Variants in PDE6B observed in about 807,000 individuals in gnomAD.
PDE6B encodes phosphodiesterase 6B.
In PDE6B, 106 loss-of-function variants were observed where a neutral mutation model predicts 109.0. The observed-to-expected ratio is 0.97, with a 90% CI of 0.83 to 1.14. The LOEUF (loss-of-function observed/expected upper bound fraction) is 1.14, where lower values mean the gene tolerates loss of function less well. Among genes scored for constraint, PDE6B ranks in the 50% most tolerant of loss-of-function variants. The probability of loss-of-function intolerance (pLI) is 0.00; values close to 1 mark genes in which losing one functional copy is unlikely to be tolerated. For missense variants in PDE6B, 1,193 were observed against 1,155.6 expected, an observed-to-expected ratio of 1.03 and a Z score of -0.47; for synonymous variants, 490 against 471.3, an observed-to-expected ratio of 1.04 and a Z score of -0.51.
In PDE6B at chr4:662,448, C is replaced by T. The variant is rs903722236; in HGVS notation, c.1723-61C>T. 2.4e-6 allele frequency: 3 copies of T among 1,229,848 alleles called. No homozygotes were observed. The highest frequency in any genetic ancestry group is 2.4e-5 in the South Asian group (2 of 83,150). The allele number at this position is 1,229,848 out of a possible 1,614,324, so 76.2% of individuals were successfully genotyped here. On this transcript the variant is annotated intron_variant, in intron 13 of 21. Coordinates refer to ENST00000496514, the MANE Select transcript of PDE6B (RefSeq NM_000283.4). This position sits in a 1 kb window ranked among gnomAD's most constrained non-coding sequence, Gnocchi z 4.3. ...CCCGACGCCTAGGTCATCCCAACCC[C>T]TCACCACTCCCCACCCTGCTGGAGC... is the stretch of plus-strand genomic sequence containing the variant.
chr4:659,913 G>A (rs955406332), intron 11 of PDE6B, among the ~76,000 whole-genome samples: 2 of 152,208 alleles, frequency 1.3e-5, no homozygotes, highest in African/African-American at 4.8e-5. Context: ...CCGGGGCCAC[G>A]AGCCTTGTGA....
chr4:642,552 G>A (rs1040456410), intron 3 of PDE6B, among the ~76,000 whole-genome samples: 6 of 151,776 alleles, frequency 4.0e-5, no homozygotes, highest in Admixed American at 6.6e-5. Context: ...CCAGCACTCC[G>A]GAAGGCTAAG....
chr4:639,395 C>G (rs939143197), intron 3 of PDE6B, among the ~76,000 whole-genome samples: 2 of 152,082 alleles, frequency 1.3e-5, no homozygotes, highest in African/African-American at 4.8e-5. Flanking sequence ...TTGGGGTCCA[C>G]AGTTCACAGG....
rs140203507 is a variant in PDE6B at position 658,963 on chromosome 4, G to A, written c.1413G>A (p.Ala471=). Residue 471 remains alanine (A), a synonymous_variant, in exon 11 of 22, where the codon GCG becomes GCA. Transcript: ENST00000496514. ...GTGTCTCTGTGTAGCCAACCAGAGC[G>A]CGCCTGGGGAAGGAGCCTGCTGACT... ...DEIQLILPTR[A]RLGKEPADCD... 2.5e-6 allele frequency: 4 copies of A among 1,613,114 alleles called. No individual in the cohort carries two copies. Among genetic ancestry groups the A allele is most frequent in the Non-Finnish European group, 2.5e-6 (3 of 1,179,424 alleles).
chr4:657,190 G>A (rs917708765), intron 9 of PDE6B, among the ~76,000 whole-genome samples, 161 bp from the exon 10 acceptor site: 78 of 152,326 alleles, frequency 5.1e-4, no homozygotes, highest in African/African-American at 1.9e-3. Flanking sequence ...CCGGGAGCAG[G>A]AGCCTCTGCA....
chr4:646,863 C>CT lies in PDE6B; in HGVS notation c.712-6977dup, dbSNP rs1177100337. Among the ~76,000 whole-genome samples the CT allele has an allele frequency of 3.8e-3, 558 of 145,746 alleles. 5 individuals are homozygous for CT. The highest frequency in any genetic ancestry group is 0.013 in the South Asian group (58 of 4,582). ...TAGCATATTGATCATCATAATTTTC[C>CT]TTTTTTTTTTTTGAGACATTGTCTT... On this transcript the variant is annotated intron_variant, in intron 3 of 21. Transcript: ENST00000496514.
Position 635,979 on chromosome 4 carries a change from C to T in PDE6B, c.711+10C>T, listed in dbSNP as rs201100689. On this transcript the variant is annotated intron_variant, in intron 3 of 21. Transcript: ENST00000496514. ...GACGCGCCGCGGCCAGGTACCCACA[C>T]GCTGAGCACAGCTCTGCCCACGAGG... 3.6e-3 allele frequency: 5,474 copies of T among 1,530,398 alleles called. 10 individuals carry two copies. The highest frequency in any genetic ancestry group is 4.6e-3 in the Non-Finnish European group (5,051 of 1,103,736). The allele number at this position is 1,530,398 out of a possible 1,614,324, so 94.8% of individuals were successfully genotyped here.
rs778007268 is a variant in PDE6B, at chr4:670,234, T to A, written c.*127T>A. The A allele has an allele frequency of 7.0e-7, 1 of 1,431,486 alleles. No individual in the cohort carries two copies. Among genetic ancestry groups the A allele is most frequent in the African/African-American group, 1.5e-5 (1 of 67,440 alleles). 88.7% of individuals were successfully genotyped at this position (1,431,486 alleles called of 1,614,324 possible). ...AAATGACTGAAGATCATTCTGGATA[T>A]TTTAATTTTTTTTTTTTTTTTTTTT... On this transcript the variant is annotated 3_prime_UTR_variant, in exon 22 of 22. Coordinates refer to ENST00000496514, the MANE Select transcript of PDE6B (RefSeq NM_000283.4).
At chr4:642,244 G>A (rs1734979610) in intron 3 of PDE6B, among the ~76,000 whole-genome samples, 2 of 151,844 alleles carry the variant, frequency 1.3e-5, no homozygotes, top group Admixed American at 1.3e-4. Context: ...GGCCAAGGTG[G>A]GTGGATCACC....
intron 6 of PDE6B, chr4:655,335 G>A (rs1736091141): frequency 3.5e-6 from 1 of 287,824 alleles, no homozygotes; most frequent in Non-Finnish European, 6.7e-6. Context: ...GTCAGGGCAG[G>A]ACTCCAGCCA....
At chr4:646,773 G>A (rs1246844410) in intron 3 of PDE6B, among the ~76,000 whole-genome samples, 1 of 151,850 alleles carries the variant, frequency 6.6e-6, no homozygotes, top group Non-Finnish European at 1.5e-5. Context: ...TTCCCAGAGC[G>A]TCCATCTCTT....
Position 653,045 on chromosome 4 carries a change from G to A in PDE6B, c.712-807G>A. 2 of 294,286 alleles carry A rather than the reference G, an allele frequency of 6.8e-6. 1 individual carries two copies. The allele number at this position is 294,286 out of a possible 1,614,324, so 18.2% of individuals were successfully genotyped here. Reference sequence around the variant, plus strand: ...ATAAACTAAAATCAGTAAAATCAATGTACTGGGAAATAAAGCTACGAACAT... The same window carrying A: ...ATAAACTAAAATCAGTAAAATCAATATACTGGGAAATAAAGCTACGAACAT... On this transcript the variant is annotated intron_variant, in intron 3 of 21. Coordinates refer to ENST00000496514, the MANE Select transcript of PDE6B (RefSeq NM_000283.4).
intron 3 of PDE6B, among the ~76,000 whole-genome samples, chr4:642,412 G>T (rs1184609899): frequency 1.3e-5 from 2 of 151,884 alleles, no homozygotes; most frequent in African/African-American, 4.8e-5. Context: ...GGAGGCAGAG[G>T]TTGTGGTGAG....
intron 3 of PDE6B, among the ~76,000 whole-genome samples, chr4:646,668 C>T (rs1735217851): frequency 6.6e-6 from 1 of 152,012 alleles, no homozygotes; most frequent in Admixed American, 6.6e-5. Context: ...TGTTCGCGCT[C>T]CCGGCCCCCT....
chr4:653,819 G>A, intron 3 of PDE6B, 33 bp from the exon 4 acceptor site: 2 of 1,612,622 alleles, frequency 1.2e-6, no homozygotes, highest in Non-Finnish European at 1.7e-6. Flanking sequence ...GGTGGGAGTG[G>A]CCACAGGCCC....
At chr4:649,421 C>G (rs1735380985) in intron 3 of PDE6B, among the ~76,000 whole-genome samples, 1 of 152,080 alleles carries the variant, frequency 6.6e-6, no homozygotes, top group Non-Finnish European at 1.5e-5. Context: ...TCTCCAGAAA[C>G]AAGGCTCCTG....
intron 17 of PDE6B, among the ~76,000 whole-genome samples, chr4:664,674 G>A (rs1577304032): frequency 6.6e-6 from 1 of 152,110 alleles, no homozygotes; most frequent in East Asian, 1.9e-4. Flanking sequence ...AAATTAGCCG[G>A]GCGTGGTGGC....
rs562881602 is a variant in PDE6B at position 666,197 on chromosome 4, G to A, written c.2269-334G>A. On this transcript the variant is annotated intron_variant, in intron 19 of 21. Coordinates refer to ENST00000496514, the MANE Select transcript of PDE6B (RefSeq NM_000283.4). This position sits in a 1 kb window ranked among gnomAD's most constrained non-coding sequence, Gnocchi z 5.6. ...GTGTCTGGGCAGTGCAGCCCAGCCC[G>A]GCTCAGCACTGTGTACAGCCCATCC... is the stretch of plus-strand genomic sequence containing the variant. Among the ~76,000 whole-genome samples the A allele has an allele frequency of 5.3e-5, 8 of 152,276 alleles. No individual in the cohort carries two copies. In the East Asian group the frequency reaches 1.2e-3, roughly 22 times the overall value.
intron 3 of PDE6B, among the ~76,000 whole-genome samples, chr4:646,552 T>A (rs1254110382): frequency 6.6e-6 from 1 of 152,044 alleles, no homozygotes; most frequent in African/African-American, 2.4e-5. Flanking sequence ...CAACATGTCT[T>A]CTCCTTCGCT....
Sources: gnomAD v4.1 joint callset for allele counts (sites outside exome capture counted in the v4.1 genomes callset) on GRCh38, gnomAD v4.1.1 for gene constraint, Gnocchi (gnomAD v3.1) non-coding constraint, MANE v1.5 for transcripts, NCBI Gene and HGNC (gene_info 2026-07-23, HGNC 2026-07-21) for gene names.